The following ACOT1 variants were observed in gnomAD, a reference collection of about 807,000 sequenced individuals.
ACOT1 encodes the protein acyl-CoA thioesterase 1.
In ACOT1, 8 loss-of-function variants were observed where a neutral mutation model predicts 15.7. The observed-to-expected ratio is 0.51, with a 90% CI of 0.30 to 0.92. The LOEUF is 0.92. Among genes scored for constraint, ACOT1 ranks in the 40% least tolerant of loss-of-function variants. ACOT1 has a pLI of 0.06. For missense variants in ACOT1, 151 were observed against 539.4 expected (o/e 0.28, Z 7.13); for synonymous variants, 67 against 241.2 (o/e 0.28, Z 6.69).
chr14:73,539,389 T>C lies in ACOT1; in HGVS notation c.457+1511T>C, dbSNP rs1418426067. On this transcript the variant is annotated intron_variant, in intron 1 of 2. Transcript: ENST00000311148. ...GTGAGCAAGTCCCCAAAGACCACGG[T>C]CTTGTCCATTGTCAGGATAATTCAC... 5.4e-5 allele frequency: 7 copies of C among 128,826 alleles called. 2 individuals are homozygous for C. In the Admixed American group the frequency reaches 5.9e-4, roughly 11 times the overall value. 8.0% of individuals were successfully genotyped at this position (128,826 alleles called of 1,614,324 possible).
At chr14:73,509,793 C>A in the ACOT1 span, among the ~76,000 whole-genome samples, 1 of 110,036 alleles carries the variant, frequency 9.1e-6, no homozygotes, top group Non-Finnish European at 1.8e-5. Context: ...TAAAAGCAAC[C>A]AATTTGCCCC....
the ACOT1 span, chr14:73,491,019 T>C: frequency 3.3e-6 from 5 of 1,499,850 alleles, no homozygotes; most frequent in South Asian, 1.3e-5. Flanking sequence ...GGTCTGGCCA[T>C]GGATGGGCTC....
chr14:73,540,004 T>G lies in ACOT1; in HGVS notation c.458-1489T>G, dbSNP rs575686804. Among the ~76,000 whole-genome samples, 25 of 116,896 alleles carry G rather than the reference T, an allele frequency of 2.1e-4. 6 individuals are homozygous for G. The highest frequency in any genetic ancestry group is 6.9e-4 in the African/African-American group (25 of 35,992). The allele number at this position is 116,896 out of a possible 152,430, so 76.7% of individuals were successfully genotyped here. A position where few individuals can be genotyped will look rare whatever the true frequency, so the allele number is the denominator to read the frequency against. ...AAAGAGCAATCAGCCAGTGTAGAAA[T>G]GATGCTTATCCTTATTAATAATCAA... is the stretch of plus-strand genomic sequence containing the variant. On this transcript the variant is annotated intron_variant, in intron 1 of 2. Coordinates refer to ENST00000311148, the MANE Select transcript of ACOT1 (RefSeq NM_001037161.2).
the ACOT1 span, chr14:73,498,450 A>G: frequency 1.0e-6 from 1 of 976,876 alleles, no homozygotes; most frequent in Non-Finnish European, 1.5e-6. Context: ...TTTGGATGGT[A>G]ATCACCATTA....
At chr14:73,520,551 T>C in the ACOT1 span, 1 of 263,858 alleles carries the variant, frequency 3.8e-6, no homozygotes, top group Non-Finnish European at 7.1e-6. Flanking sequence ...GGGAGAAGGG[T>C]AGATAGAGAA....
At chr14:73,531,295 C>T in the ACOT1 span, 2 of 113,302 alleles carry the variant, frequency 1.8e-5, no homozygotes, top group South Asian at 2.8e-4. Flanking sequence ...ACTCAGAGAA[C>T]TTGTGGGTTC....
At chr14:73,517,977 T>C in the ACOT1 span, among the ~76,000 whole-genome samples, 2 of 152,086 alleles carry the variant, frequency 1.3e-5, no homozygotes, top group Non-Finnish European at 2.9e-5. Context: ...TCCCAGCTAC[T>C]CGTGAGGCAG....
At chr14:73,498,197 A>G in the ACOT1 span, 1 of 1,613,856 alleles carries the variant, frequency 6.2e-7, no homozygotes. Context: ...CACGTCTAGG[A>G]AGGTGTCCCT....
the ACOT1 span, chr14:73,529,006 T>C: frequency 6.6e-6 from 1 of 152,152 alleles, no homozygotes; most frequent in African/African-American, 2.4e-5. Context: ...AATAGCCCTC[T>C]AGAACCAAAA....
the ACOT1 span, chr14:73,491,022 A>G: frequency 6.6e-7 from 1 of 1,505,116 alleles, no homozygotes; most frequent in Non-Finnish European, 8.9e-7. Context: ...CTGGCCATGG[A>G]TGGGCTCCAG....
the ACOT1 span, chr14:73,520,325 C>T: frequency 6.5e-6 from 1 of 152,892 alleles, no homozygotes; most frequent in African/African-American, 2.4e-5. Context: ...GATGCTTTCT[C>T]ATCTACTCTA....
the ACOT1 span, chr14:73,500,645 G>A: frequency 6.2e-7 from 1 of 1,614,218 alleles, no homozygotes; most frequent in Non-Finnish European, 8.5e-7. Flanking sequence ...AAGCTTGGGA[G>A]AAGCTTGGCG....
the ACOT1 span, chr14:73,519,199 A>C: frequency 6.3e-7 from 1 of 1,581,670 alleles, no homozygotes; most frequent in South Asian, 1.2e-5. Flanking sequence ...GTCCCCTATA[A>C]CCTCCCTATT....
the ACOT1 span, among the ~76,000 whole-genome samples, chr14:73,519,621 G>A: frequency 2.0e-5 from 3 of 152,162 alleles, no homozygotes; most frequent in Admixed American, 2.0e-4. Flanking sequence ...TACTCGGGAG[G>A]CTGAGGCAGG....
chr14:73,512,125 A>G, the ACOT1 span: 277 of 1,614,166 alleles, frequency 1.7e-4, 2 homozygotes, highest in East Asian at 5.4e-3. Flanking sequence ...CAGGTTCTCT[A>G]CTGTCTCATG....
chr14:73,520,985 C>T, the ACOT1 span: 168 of 1,613,718 alleles, frequency 1.0e-4, no homozygotes, highest in African/African-American at 2.0e-3. Flanking sequence ...CCTCAGTGCT[C>T]TTGTTGCCAG....
At chr14:73,528,216 G>A in the ACOT1 span, among the ~76,000 whole-genome samples, 2 of 151,786 alleles carry the variant, frequency 1.3e-5, no homozygotes, top group Non-Finnish European at 2.9e-5. Flanking sequence ...CCAACATGGC[G>A]AAGCCCCATC....
chr14:73,533,414 C>T (rs1401914340), upstream of ACOT1, among the ~76,000 whole-genome samples: 2 of 115,964 alleles, frequency 1.7e-5, no homozygotes, highest in South Asian at 5.5e-4. Context: ...CGTGGTGGCT[C>T]AGGCCTGTAA....
At chr14:73,517,407 T>C in the ACOT1 span, 2 of 151,746 alleles carry the variant, frequency 1.3e-5, no homozygotes, top group Non-Finnish European at 2.9e-5. Context: ...GCTGGGAGAG[T>C]GGCTCATGCC....
Sources: allele counts gnomAD v4.1 joint callset (sites outside exome capture counted in the v4.1 genomes callset), GRCh38; gene constraint gnomAD v4.1.1; transcripts MANE v1.5; gene names NCBI Gene and HGNC (gene_info 2026-07-23, HGNC 2026-07-21).